Variants in ACOT11 observed in about 807,000 individuals in gnomAD.
ACOT11 encodes acyl-coenzyme A thioesterase 11.
A neutral mutation model predicts 77.5 loss-of-function variants in ACOT11; 69 were observed. That is an observed-to-expected ratio of 0.89 (90% CI 0.73 to 1.09). The LOEUF is 1.09. Among genes scored for constraint, ACOT11 ranks in the 50% least tolerant of loss-of-function variants. The probability of loss-of-function intolerance (pLI) is 0.00; values close to 1 mark genes in which losing one functional copy is unlikely to be tolerated. For missense variants in ACOT11, 766 were observed against 813.7 expected (o/e 0.94, Z 0.71); for synonymous variants, 279 against 313.0 (o/e 0.89, Z 1.15).
intron 1 of ACOT11, among the ~76,000 whole-genome samples, chr1:54,558,384 C>G (rs568592354): frequency 1.3e-5 from 2 of 152,098 alleles, no homozygotes; most frequent in African/African-American, 4.8e-5. Flanking sequence ...TAATTGTGTC[C>G]GTATTAAAGA....
At chr1:54,618,277 G>A (rs1469835899) in intron 15 of ACOT11, among the ~76,000 whole-genome samples, 1 of 152,170 alleles carries the variant, frequency 6.6e-6, no homozygotes, top group African/African-American at 2.4e-5. Context: ...CCCGAGAAGG[G>A]CGGATCACTT....
At chr1:54,599,500 C>T (rs1643938415) in intron 8 of ACOT11, 85 bp downstream of exon 8, 3 of 1,339,014 alleles carry the variant, frequency 2.2e-6, no homozygotes, top group Non-Finnish European at 9.8e-7. Flanking sequence ...TTCAAACTGT[C>T]CAGGAGCCCT....
chr1:54,586,873 G>C (rs1408630498), intron 3 of ACOT11, among the ~76,000 whole-genome samples: 2 of 152,156 alleles, frequency 1.3e-5, no homozygotes, highest in Non-Finnish European at 2.9e-5. Flanking sequence ...CTCAGCCCAG[G>C]ACAGGCTGCA....
At chr1:54,608,133 G>T in intron 15 of ACOT11, 65 bp downstream of exon 15, 2 of 1,528,172 alleles carry the variant, frequency 1.3e-6, no homozygotes, top group South Asian at 2.4e-5. Flanking sequence ...CGTGTATTGA[G>T]CTCAGCACTG....
At chr1:54,553,442 T>A (rs1653141757) in intron 1 of ACOT11, among the ~76,000 whole-genome samples, 1 of 151,432 alleles carries the variant, frequency 6.6e-6, no homozygotes, top group Non-Finnish European at 1.5e-5. Context: ...CACTCCAGCC[T>A]GGGTGACCGA....
At chr1:54,625,760 A>G (rs1433749089) in intron 15 of ACOT11, among the ~76,000 whole-genome samples, 1 of 151,674 alleles carries the variant, frequency 6.6e-6, no homozygotes, top group Non-Finnish European at 1.5e-5. Flanking sequence ...CAACATGGAG[A>G]AACCCCATCT....
At chr1:54,623,493 G>A in intron 15 of ACOT11, 2 of 862,434 alleles carry the variant, frequency 2.3e-6, no homozygotes, top group Non-Finnish European at 3.8e-6. Flanking sequence ...GCTCCCAGCA[G>A]CACCTAATTC....
At position 54,630,190 on chromosome 1, in the gene ACOT11, C is replaced by T. The variant is rs1170522534; in HGVS notation, c.1630-544C>T. Among the ~76,000 whole-genome samples the T allele has an allele frequency of 1.3e-4, 16 of 125,816 alleles. 2 individuals are homozygous for T. The highest frequency in any genetic ancestry group is 3.4e-4 in the African/African-American group (13 of 38,232). The allele number at this position is 125,816 out of a possible 152,430, so 82.5% of individuals were successfully genotyped here. A position where few individuals can be genotyped will look rare whatever the true frequency, so the allele number is the denominator to read the frequency against. On this transcript the variant is annotated intron_variant, in intron 15 of 16. Coordinates refer to the ACOT11 transcript ENST00000371316. ...CTGGGATTACAGGCGTGAGCCACTG[C>T]GCCTGGCCTGTTTAATGTTTAAAGA...
At chr1:54,599,141 T>C (rs1442759690) in intron 7 of ACOT11, among the ~76,000 whole-genome samples, 155 bp from the exon 8 acceptor site, 18 of 56,618 alleles carry the variant, frequency 3.2e-4, no homozygotes, top group African/African-American at 1.1e-3. Flanking sequence ...AGTGAAACTC[T>C]GTCTCAAAAA....
chr1:54,606,653 G>A (rs1234538596), intron 13 of ACOT11, among the ~76,000 whole-genome samples: 4 of 152,228 alleles, frequency 2.6e-5, no homozygotes, highest in African/African-American at 7.2e-5. Context: ...CTACAGCATG[G>A]GGCTGTTATG....
chr1:54,584,882 G>C lies in ACOT11; in HGVS notation c.241+20G>C. 6.2e-7 allele frequency: 1 copy of C among 1,600,090 alleles called. No homozygotes were observed. Among genetic ancestry groups the C allele is most frequent in the Admixed American group, 1.7e-5 (1 of 58,598 alleles). On this transcript the variant is annotated intron_variant, in intron 2 of 15. Transcript: ENST00000343744. The surrounding 1 kb of genome is among the most constrained non-coding windows in gnomAD (Gnocchi z 6.3). ...TGTCCGGTAAGGCTGCGCTCCCCAT[G>C]GTTCCCTACCTGCCCCACAGGCCCA...
exon 17 of ACOT11, chr1:54,635,497 A>G (rs946431378): frequency 4.8e-6 from 1 of 210,516 alleles, no homozygotes; most frequent in African/African-American, 2.4e-5. Flanking sequence ...ATAAAAGAGT[A>G]TCTAGAAGGA....
At chr1:54,612,301 G>A (rs967614325), downstream of ACOT11, among the ~76,000 whole-genome samples, 4 of 151,682 alleles carry the variant, frequency 2.6e-5, no homozygotes, top group African/African-American at 9.7e-5. Context: ...GGGCTCTCTT[G>A]GGAGGTAGTG....
At chr1:54,586,173 C>T (rs1054866593) in intron 3 of ACOT11, among the ~76,000 whole-genome samples, 8 of 152,108 alleles carry the variant, frequency 5.3e-5, no homozygotes, top group African/African-American at 9.7e-5. Context: ...TGGGGTGCTG[C>T]GTGACTTTGG....
At chr1:54,582,722 G>A (rs1031036617) in intron 1 of ACOT11, among the ~76,000 whole-genome samples, 1 of 152,180 alleles carries the variant, frequency 6.6e-6, no homozygotes, top group East Asian at 1.9e-4. Context: ...GCTCAGAGAA[G>A]TGGCGGACGT....
intron 1 of ACOT11, among the ~76,000 whole-genome samples, chr1:54,563,701 TC>T (rs916445101): frequency 6.6e-6 from 1 of 151,560 alleles, no homozygotes; most frequent in Non-Finnish European, 1.5e-5. Flanking sequence ...GGCAGGAGGA[TC>T]CCTTGAGCCC....
intron 1 of ACOT11, among the ~76,000 whole-genome samples, chr1:54,552,659 C>G (rs1440769539): frequency 6.6e-6 from 1 of 151,858 alleles, no homozygotes; most frequent in Non-Finnish European, 1.5e-5. Context: ...CTAATTTTTT[C>G]TATTTTTAGT....
chr1:54,595,994 C>A (rs1319206092), intron 6 of ACOT11, among the ~76,000 whole-genome samples: 4 of 152,168 alleles, frequency 2.6e-5, no homozygotes, highest in African/African-American at 9.7e-5. Flanking sequence ...CTGGGGAGGC[C>A]CAGCTCTTCC....
chr1:54,603,093 T>G (rs1016473491), intron 10 of ACOT11, among the ~76,000 whole-genome samples: 1 of 152,208 alleles, frequency 6.6e-6, no homozygotes, highest in Non-Finnish European at 1.5e-5. Context: ...TAAAGCCACT[T>G]TGGGAGGCCG....
Sources: gnomAD v4.1 joint callset for allele counts (sites outside exome capture counted in the v4.1 genomes callset) on GRCh38, gnomAD v4.1.1 for gene constraint, Gnocchi (gnomAD v3.1) non-coding constraint, MANE v1.5 for transcripts, NCBI Gene and HGNC (gene_info 2026-07-23, HGNC 2026-07-21) for gene names.